Variants in RGS6 observed in about 807,000 individuals in gnomAD.
RGS6 encodes regulator of G protein signaling 6, also known as regulator of G-protein signaling 6.
A neutral mutation model predicts 78.5 loss-of-function variants in RGS6; 30 were observed. The observed-to-expected ratio is 0.38, with a 90% CI of 0.29 to 0.52. The LOEUF (loss-of-function observed/expected upper bound fraction) is 0.52, where lower values mean the gene tolerates loss of function less well. Ranked by LOEUF, RGS6 falls within the 20% of genes least tolerant of loss-of-function variation. RGS6 has a pLI of 0.85. For missense variants in RGS6, 495 were observed against 609.7 expected, an observed-to-expected ratio of 0.81 and a Z score of 1.98; for synonymous variants, 206 against 206.0, an observed-to-expected ratio of 1.00 and a Z score of 0.00.
chr14:72,155,863 G>C (rs533004788), intron 2 of RGS6, among the ~76,000 whole-genome samples: 49 of 152,172 alleles, frequency 3.2e-4, no homozygotes, highest in Non-Finnish European at 6.0e-4. Context: ...TACTGACCTA[G>C]GTGCATATCT....
chr14:72,590,329 G>A, the RGS6 span, among the ~76,000 whole-genome samples: 1 of 152,218 alleles, frequency 6.6e-6, no homozygotes, highest in Non-Finnish European at 1.5e-5. Flanking sequence ...AAAAATGCTT[G>A]AATATGAATA....
intron 2 of RGS6, among the ~76,000 whole-genome samples, chr14:72,282,310 A>C (rs549045552): frequency 2.0e-5 from 3 of 152,196 alleles, no homozygotes; most frequent in African/African-American, 7.2e-5. Context: ...GATAAGCGTT[A>C]ATTAATTTTT....
chr14:71,868,278 A>G, the RGS6 span, among the ~76,000 whole-genome samples: 1 of 152,132 alleles, frequency 6.6e-6, no homozygotes, highest in Non-Finnish European at 1.5e-5. Context: ...ATAAACAGGA[A>G]CTGAACTTTA....
intron 3 of RGS6, among the ~76,000 whole-genome samples, chr14:72,397,881 TTGCATCCC>T (rs2091707736): frequency 6.6e-6 from 1 of 152,206 alleles, no homozygotes; most frequent in African/African-American, 2.4e-5. Context: ...TGAACCAGCC[TTGCATCCC>T]AGGGATGAAG....
chr14:72,045,966 G>C (rs1244025938), intron 2 of RGS6, among the ~76,000 whole-genome samples: 2 of 152,090 alleles, frequency 1.3e-5, no homozygotes, highest in African/African-American at 4.8e-5. Flanking sequence ...GAGTGTGTGT[G>C]GTAGGCTGCG....
At chr14:72,020,560 A>ATTCTTC (rs3831617) in intron 2 of RGS6, among the ~76,000 whole-genome samples, 22,505 of 151,768 alleles carry the variant, frequency 0.15, 1,767 homozygotes, top group South Asian at 0.2. Context: ...TGCTCTGTGA[A>ATTCTTC]TTCTTCTTCT....
At chr14:72,209,304 A>G (rs145306156) in intron 2 of RGS6, among the ~76,000 whole-genome samples, 1 of 152,304 alleles carries the variant, frequency 6.6e-6, no homozygotes, top group East Asian at 1.9e-4. Context: ...GATAAAAAGT[A>G]TACATATTCT....
At chr14:72,205,358 A>T (rs949098365) in intron 2 of RGS6, among the ~76,000 whole-genome samples, 5 of 152,172 alleles carry the variant, frequency 3.3e-5, no homozygotes, top group Admixed American at 2.6e-4. Flanking sequence ...TGAATAAGAA[A>T]CAGTTACTTC....
chr14:72,470,154 G>A (rs970654911), intron 8 of RGS6, 71 bp downstream of exon 8: 4 of 1,171,102 alleles, frequency 3.4e-6, no homozygotes, highest in Non-Finnish European at 5.1e-6. Flanking sequence ...GTGAAGGTGG[G>A]ATTGTCAAAG....
intron 12 of RGS6, among the ~76,000 whole-genome samples, chr14:72,482,562 G>A (rs1257391746): frequency 3.3e-5 from 5 of 152,180 alleles, no homozygotes; most frequent in South Asian, 2.1e-4. Context: ...ATGGGTTGGC[G>A]AGGCAGCTCT....
At chr14:72,197,305 A>G (rs940170329) in intron 2 of RGS6, among the ~76,000 whole-genome samples, 6 of 152,192 alleles carry the variant, frequency 3.9e-5, no homozygotes, top group African/African-American at 1.4e-4. Flanking sequence ...ACATAAAGTG[A>G]TCTGCCTGCC....
chr14:72,423,555 C>G (rs2094300703), intron 3 of RGS6, among the ~76,000 whole-genome samples: 1 of 151,890 alleles, frequency 6.6e-6, no homozygotes, highest in Non-Finnish European at 1.5e-5. Flanking sequence ...TTATCCTAAG[C>G]AAATTAAAGC....
At chr14:72,425,417 G>A (rs1417262724) in intron 3 of RGS6, among the ~76,000 whole-genome samples, 1 of 152,132 alleles carries the variant, frequency 6.6e-6, no homozygotes, top group African/African-American at 2.4e-5. Flanking sequence ...GGGATTATAG[G>A]CGTGAGCCAC....
At position 72,077,337 on chromosome 14, in the gene RGS6, C is replaced by T. The variant is rs148255962; in HGVS notation, c.84+112462C>T. On this transcript the variant is annotated intron_variant, in intron 2 of 17. Transcript: ENST00000553525. ...TATATAAAAAGGATGTTAATTTTTG[C>T]CTATTTTACAGTAATAGTACAAATA... Among the ~76,000 whole-genome samples, 896 of 152,032 alleles carry T rather than the reference C, an allele frequency of 5.9e-3. 26 individuals are homozygous for T. Among genetic ancestry groups the T allele is most frequent in the Admixed American group, 0.055 (843 of 15,258 alleles).
intron 1 of RGS6, among the ~76,000 whole-genome samples, chr14:71,941,803 C>A (rs1252616799): frequency 6.6e-6 from 1 of 152,226 alleles, no homozygotes; most frequent in South Asian, 2.1e-4. Flanking sequence ...GGGCAACACC[C>A]ACACAGACAC....
At chr14:72,512,780 C>T (rs1485601049) in intron 14 of RGS6, among the ~76,000 whole-genome samples, 2 of 152,244 alleles carry the variant, frequency 1.3e-5, no homozygotes, top group African/African-American at 4.8e-5. Context: ...CTTCAGTCAC[C>T]CATCACAGGG....
At chr14:72,012,103 T>A (rs1042061642) in intron 2 of RGS6, among the ~76,000 whole-genome samples, 1 of 152,220 alleles carries the variant, frequency 6.6e-6, no homozygotes, top group Non-Finnish European at 1.5e-5. Context: ...TCAGTAGGCA[T>A]TTTATAAATA....
the RGS6 span, among the ~76,000 whole-genome samples, chr14:71,893,868 G>T: frequency 2.6e-5 from 4 of 152,168 alleles, no homozygotes; most frequent in Non-Finnish European, 4.4e-5. Context: ...GCACACAGTT[G>T]TTTATCAGAA....
rs554360493 is a variant in RGS6 at position 72,025,072 on chromosome 14, A to G, written c.84+60197A>G. On this transcript the variant is annotated intron_variant, in intron 2 of 17. Coordinates refer to ENST00000553525, the MANE Select transcript of RGS6 (RefSeq NM_001204424.2). ...GCTGAGTGAGACTATACGTGTCCCT[A>G]TGTTTCTGTATATAAAGACAGAAAG... Among the ~76,000 whole-genome samples the G allele has an allele frequency of 5.3e-5, 8 of 152,298 alleles. No individual in the cohort carries two copies. In the East Asian group the frequency reaches 5.8e-4, roughly 11 times the overall value.
Sources: allele counts gnomAD v4.1 joint callset (sites outside exome capture counted in the v4.1 genomes callset), GRCh38; gene constraint gnomAD v4.1.1; transcripts MANE v1.5; gene names NCBI Gene and HGNC (gene_info 2026-07-23, HGNC 2026-07-21).